FLNB: variants seen among roughly 807,000 people sequenced by gnomAD.
FLNB encodes the protein filamin B, also known as filamin-B.
A neutral mutation model predicts 250.6 loss-of-function variants in FLNB; 111 were observed. That is an observed-to-expected ratio of 0.44 (90% CI 0.38 to 0.52). The LOEUF (loss-of-function observed/expected upper bound fraction) is 0.52. Among genes scored for constraint, FLNB ranks in the 20% least tolerant of loss-of-function variants. The probability of loss-of-function intolerance (pLI) is 0.00; values close to 1 mark genes in which losing one functional copy is unlikely to be tolerated. For missense variants in FLNB, 2,869 were observed against 3,447.8 expected (o/e 0.83, Z 4.20); for synonymous variants, 1,302 against 1,372.1 (o/e 0.95, Z 1.13).
intron 1 of FLNB, among the ~76,000 whole-genome samples, chr3:58,028,616 C>CT (rs58801511): frequency 1.5e-3 from 212 of 139,154 alleles, no homozygotes; most frequent in East Asian, 2.8e-3. Context: ...TTTTTCTTTT[C>CT]TTTTTTTTTT....
At chr3:58,111,713 T>C (rs746273232) in intron 16 of FLNB, 78 bp from the exon 17 acceptor site, 1 of 1,021,286 alleles carries the variant, frequency 9.8e-7, no homozygotes, top group Non-Finnish European at 1.5e-6. Context: ...ATGCTAAGGT[T>C]CACCCTTTGT....
At chr3:58,080,535 CA>C (rs1248356347) in intron 3 of FLNB, among the ~76,000 whole-genome samples, 1 of 148,184 alleles carries the variant, frequency 6.7e-6, no homozygotes, top group African/African-American at 2.5e-5. Flanking sequence ...TGCTCTGTCA[CA>C]TAGGCTGGAG....
At chr3:58,128,216 C>A (rs1414477598) in intron 24 of FLNB, among the ~76,000 whole-genome samples, 1 of 152,128 alleles carries the variant, frequency 6.6e-6, no homozygotes, top group African/African-American at 2.4e-5. Flanking sequence ...TTCCTGATTC[C>A]ATTCCTGCTT....
At chr3:58,076,973 A>C in intron 1 of FLNB, 73 bp from the exon 2 acceptor site, 1 of 1,526,766 alleles carries the variant, frequency 6.5e-7, no homozygotes, top group Non-Finnish European at 9.1e-7. Context: ...GACTCCATTT[A>C]CATTTATATA....
chr3:58,104,928 G>A (rs2097257236), intron 10 of FLNB, 152 bp from the exon 11 acceptor site: 3 of 919,670 alleles, frequency 3.3e-6, no homozygotes, highest in African/African-American at 3.2e-5. Context: ...ATGGGTGAGA[G>A]GCCTGCAGGA....
intron 25 of FLNB, among the ~76,000 whole-genome samples, chr3:58,131,333 C>T (rs1406381080): frequency 6.6e-6 from 1 of 152,158 alleles, no homozygotes; most frequent in African/African-American, 2.4e-5. Context: ...GCACATGATG[C>T]ACGTGATACG....
rs779636102 is a variant in FLNB, at chr3:58,123,240, G to A, written c.3274G>A (p.Asp1092Asn). 2 of 1,614,190 alleles carry A rather than the reference G, an allele frequency of 1.2e-6. No individual in the cohort carries two copies. Among genetic ancestry groups the A allele is most frequent in the Admixed American group, 3.3e-5 (2 of 60,026 alleles). The change falls in exon 21 of 46, where the codon GAT becomes AAT. Residue 1092 changes from aspartate (D) to asparagine (N), a missense_variant. This residue lies in a region of FLNB where 1,348 missense variants were observed against 1,466.7 expected (regional missense o/e 0.92). Transcript: ENST00000295956. Reference protein sequence around the residue: ...EAKIECSDNGDGTCSVSYLPT... With the variant: ...EAKIECSDNGNGTCSVSYLPT... Reference sequence around the variant, plus strand: ...CAAAATCGAGTGCTCCGACAATGGTGATGGGACCTGCTCCGTCTCTTACCT... The same window carrying A: ...CAAAATCGAGTGCTCCGACAATGGTAATGGGACCTGCTCCGTCTCTTACCT...
At chr3:58,130,206 C>G (rs1413231594) in intron 24 of FLNB, among the ~76,000 whole-genome samples, 1 of 152,086 alleles carries the variant, frequency 6.6e-6, no homozygotes, top group Non-Finnish European at 1.5e-5. Flanking sequence ...CAGGGCCTGC[C>G]CATCTCTCTC....
At chr3:58,102,091 A>G in intron 8 of FLNB, 112 bp from the exon 9 acceptor site, 2 of 1,244,646 alleles carry the variant, frequency 1.6e-6, no homozygotes, top group South Asian at 2.5e-5. Context: ...ACTACTGCAT[A>G]CTATTTGTGC....
chr3:58,074,065 C>T (rs1340205021), intron 1 of FLNB, among the ~76,000 whole-genome samples: 1 of 152,176 alleles, frequency 6.6e-6, no homozygotes, highest in Non-Finnish European at 1.5e-5. Flanking sequence ...AGAATAAAGG[C>T]ACAGGTTTTC....
intron 45 of FLNB, among the ~76,000 whole-genome samples, chr3:58,170,165 C>T (rs2097379576): frequency 6.6e-6 from 1 of 152,172 alleles, no homozygotes; most frequent in Non-Finnish European, 1.5e-5. Flanking sequence ...GTTTCCTCTT[C>T]TCGGAAGTAC....
intron 10 of FLNB, 98 bp from the exon 11 acceptor site, chr3:58,104,982 G>C: frequency 6.6e-7 from 1 of 1,526,412 alleles, no homozygotes; most frequent in Non-Finnish European, 9.1e-7. Flanking sequence ...GAAAGGATCA[G>C]GCAAGTGGAA....
chr3:58,030,602 G>A (rs1405997730), intron 1 of FLNB, among the ~76,000 whole-genome samples: 1 of 151,334 alleles, frequency 6.6e-6, no homozygotes, highest in Non-Finnish European at 1.5e-5. Flanking sequence ...GGCCGGGCAC[G>A]GTGGCTCATG....
chr3:58,015,940 G>C (rs1039805943), intron 1 of FLNB, among the ~76,000 whole-genome samples: 1 of 152,140 alleles, frequency 6.6e-6, no homozygotes, highest in African/African-American at 2.4e-5. Flanking sequence ...GAGTGTGTCA[G>C]TTTAGAGGTC....
At chr3:58,072,353 G>T (rs1045654678) in intron 1 of FLNB, among the ~76,000 whole-genome samples, 1 of 152,124 alleles carries the variant, frequency 6.6e-6, no homozygotes, top group Non-Finnish European at 1.5e-5. Context: ...CCCGAAAAAG[G>T]CCCTGGAGCA....
chr3:58,031,773 G>C (rs535980434), intron 1 of FLNB, among the ~76,000 whole-genome samples: 1 of 150,192 alleles, frequency 6.7e-6, no homozygotes, highest in Non-Finnish European at 1.5e-5. Flanking sequence ...CGAACCCCTG[G>C]GTTCAAGCCA....
chr3:58,008,749 T>G lies in FLNB; in HGVS notation c.185T>G (p.Met62Arg). 2 of 1,614,110 alleles carry G rather than the reference T, an allele frequency of 1.2e-6. No individual in the cohort carries two copies. Among genetic ancestry groups the G allele is most frequent in the Non-Finnish European group, 1.7e-6 (2 of 1,179,994 alleles). Residue 62 changes from methionine to arginine, a missense_variant, in exon 1 of 46, where the codon ATG (methionine) becomes AGG (arginine). Physicochemically the swap from Met to Arg is moderately conservative, Grantham distance 91 (BLOSUM62 -1). This residue lies in a region of FLNB where 308 missense variants were observed against 466.1 expected (regional missense o/e 0.66). Coordinates refer to ENST00000295956, the MANE Select transcript of FLNB (RefSeq NM_001457.4). ...ALLEVLSQKR[M>R]YRKYHQRPTF... Reference sequence around the variant, plus strand: ...CTCGAGGTGCTCAGCCAGAAGCGCATGTACCGCAAGTACCATCAGCGGCCC... The same window carrying G: ...CTCGAGGTGCTCAGCCAGAAGCGCAGGTACCGCAAGTACCATCAGCGGCCC...
At chr3:58,033,730 A>G (rs936448986) in intron 1 of FLNB, among the ~76,000 whole-genome samples, 4 of 152,120 alleles carry the variant, frequency 2.6e-5, no homozygotes, top group African/African-American at 9.7e-5. Flanking sequence ...TAGCATAGTT[A>G]TTCTGAAATT....
rs995712943 is a variant in FLNB at position 58,109,415 on chromosome 3, T to C, written c.2199+93T>C. 2.5e-6 allele frequency: 4 copies of C among 1,584,542 alleles called. No homozygotes were observed. In the Admixed American group the frequency reaches 5.4e-5, roughly 21 times the overall value. Reference sequence around the variant, plus strand: ...ATGCCTGACAGCCAAGGCAGACATATGGAAGGAACCCATCCCTGGTGGGCC... The same window carrying C: ...ATGCCTGACAGCCAAGGCAGACATACGGAAGGAACCCATCCCTGGTGGGCC... On this transcript the variant is annotated intron_variant, in intron 14 of 45. Coordinates refer to ENST00000295956, the MANE Select transcript of FLNB (RefSeq NM_001457.4).
Sources: gnomAD v4.1 joint callset for allele counts (sites outside exome capture counted in the v4.1 genomes callset) on GRCh38, gnomAD v4.1.1 for gene constraint, gnomAD v4.1.1 regional missense constraint, MANE v1.5 for transcripts, NCBI Gene and HGNC (gene_info 2026-07-23, HGNC 2026-07-21) for gene names.